NCALD: variants seen among roughly 807,000 people sequenced by gnomAD.
NCALD encodes the protein neurocalcin-delta.
In NCALD, 10 loss-of-function variants were observed where a neutral mutation model predicts 18.6. The observed-to-expected ratio is 0.54, with a 90% CI of 0.33 to 0.91. The LOEUF (loss-of-function observed/expected upper bound fraction) is 0.91. NCALD is among the 40% of genes least tolerant of loss of function. The pLI is 0.03. For missense variants in NCALD, 184 were observed against 247.6 expected, an observed-to-expected ratio of 0.74 and a Z score of 1.72; for synonymous variants, 88 against 87.4, an observed-to-expected ratio of 1.01 and a Z score of -0.04.
At chr8:101,802,234 C>A (rs982230530) in intron 4 of NCALD, among the ~76,000 whole-genome samples, 1 of 152,074 alleles carries the variant, frequency 6.6e-6, no homozygotes, top group South Asian at 2.1e-4. Flanking sequence ...ACAAACCATG[C>A]CCATAAAATA....
chr8:101,933,528 C>T (rs1167736473), intron 2 of NCALD, among the ~76,000 whole-genome samples: 1 of 152,222 alleles, frequency 6.6e-6, no homozygotes, highest in Non-Finnish European at 1.5e-5. Flanking sequence ...GAGAATAAGT[C>T]TGTGCTGTTT....
chr8:101,910,736 A>G (rs1424930536), intron 3 of NCALD, among the ~76,000 whole-genome samples: 1 of 152,178 alleles, frequency 6.6e-6, no homozygotes. Context: ...AGGTGAGTGT[A>G]CCAGATTTCT....
At chr8:101,711,608 G>A (rs1488644017) in intron 2 of NCALD, among the ~76,000 whole-genome samples, 1 of 151,700 alleles carries the variant, frequency 6.6e-6, no homozygotes, top group African/African-American at 2.4e-5. Context: ...GACAGCACGA[G>A]AACTTTGTGA....
intron 1 of NCALD, among the ~76,000 whole-genome samples, chr8:102,067,406 A>T (rs1255648156): frequency 6.6e-6 from 1 of 152,032 alleles, no homozygotes; most frequent in East Asian, 1.9e-4. Flanking sequence ...CTCATCCTTC[A>T]ACTGTATACT....
At chr8:101,840,201 T>C (rs376446383) in intron 4 of NCALD, among the ~76,000 whole-genome samples, 1 of 151,730 alleles carries the variant, frequency 6.6e-6, no homozygotes, top group East Asian at 1.9e-4. Context: ...AAGCCAGAGA[T>C]TGAATTAAAG....
At chr8:102,003,956 T>G (rs1182612135) in intron 2 of NCALD, among the ~76,000 whole-genome samples, 1 of 151,990 alleles carries the variant, frequency 6.6e-6, no homozygotes, top group African/African-American at 2.4e-5. Context: ...GCATTCCCTT[T>G]GAAAACTGGC....
chr8:101,879,461 A>T (rs1348297661), intron 4 of NCALD, among the ~76,000 whole-genome samples: 1 of 152,140 alleles, frequency 6.6e-6, no homozygotes, highest in African/African-American at 2.4e-5. Context: ...GTGAGGCTGC[A>T]GACCTTCACT....
intron 4 of NCALD, among the ~76,000 whole-genome samples, chr8:101,807,246 G>A (rs1308881022): frequency 2.0e-5 from 3 of 152,054 alleles, no homozygotes; most frequent in Non-Finnish European, 4.4e-5. Flanking sequence ...TGTCACAAAT[G>A]CATATTTCTT....
chr8:101,916,971 T>C (rs1586750244), intron 2 of NCALD, among the ~76,000 whole-genome samples: 1 of 152,180 alleles, frequency 6.6e-6, no homozygotes, highest in Non-Finnish European at 1.5e-5. Context: ...ATATCTGGAC[T>C]TAAATTTGAC....
At chr8:102,028,019 G>T (rs1217240488) in intron 1 of NCALD, among the ~76,000 whole-genome samples, 2 of 152,188 alleles carry the variant, frequency 1.3e-5, no homozygotes, top group African/African-American at 4.8e-5. Flanking sequence ...TTGGATTCTG[G>T]ATCCCAAACA....
At chr8:101,971,129 C>T (rs1370824391) in intron 2 of NCALD, among the ~76,000 whole-genome samples, 2 of 152,164 alleles carry the variant, frequency 1.3e-5, no homozygotes, top group Non-Finnish European at 2.9e-5. Context: ...TTCCAGACAT[C>T]AGAATCATGA....
chr8:101,819,372 G>A (rs1813629486), intron 4 of NCALD, among the ~76,000 whole-genome samples: 2 of 151,390 alleles, frequency 1.3e-5, no homozygotes, highest in African/African-American at 4.9e-5. Context: ...TTGAGTTACT[G>A]GAAAGGTTGA....
intron 1 of NCALD, among the ~76,000 whole-genome samples, chr8:101,752,335 A>G (rs567129270): frequency 3.3e-4 from 51 of 152,342 alleles, no homozygotes; most frequent in African/African-American, 1.2e-3. Flanking sequence ...AAAAAGTAAA[A>G]TATAATTTGT....
At chr8:101,907,893 A>C (rs113028811) in intron 3 of NCALD, among the ~76,000 whole-genome samples, 2,056 of 152,338 alleles carry the variant, frequency 0.013, 25 homozygotes, top group Middle Eastern at 0.037. Context: ...TCATAAGTTC[A>C]TAATAGCTAC....
chr8:102,113,392 G>T (rs995344523), intron 1 of NCALD, among the ~76,000 whole-genome samples: 1 of 152,154 alleles, frequency 6.6e-6, no homozygotes, highest in African/African-American at 2.4e-5. Flanking sequence ...GTAAAGCAGG[G>T]TAACAAAGTG....
chr8:101,926,331 T>C (rs947197166), intron 2 of NCALD, among the ~76,000 whole-genome samples: 1 of 152,188 alleles, frequency 6.6e-6, no homozygotes, highest in Non-Finnish European at 1.5e-5. Flanking sequence ...AATAAACTTT[T>C]CTTTTCTGGC....
In NCALD at chr8:102,063,522, A is replaced by C. The variant is rs1400503908; in HGVS notation, c.-209-43233T>G. On this transcript the variant is annotated intron_variant, in intron 1 of 6. Transcript: ENST00000311028. ...ATCTGGAATAAGTAGATAAAGGGAC[A>C]TTTTTTTAAGATCATTATTTAAATG... Among the ~76,000 whole-genome samples the C allele has an allele frequency of 2.0e-5, 3 of 152,142 alleles. No homozygotes were observed. The East Asian group carries it at 5.8e-4, about 29-fold the overall frequency.
chr8:101,803,956 G>C (rs570168750), intron 4 of NCALD, among the ~76,000 whole-genome samples: 2 of 152,228 alleles, frequency 1.3e-5, no homozygotes, highest in East Asian at 3.9e-4. Context: ...ATGATGAAAG[G>C]AAGAGCCAAC....
chr8:101,885,583 T>A (rs1446530203), intron 4 of NCALD, among the ~76,000 whole-genome samples: 1 of 152,232 alleles, frequency 6.6e-6, no homozygotes, highest in Non-Finnish European at 1.5e-5. Flanking sequence ...CGTTTGGGTC[T>A]GGCAGATGCT....
Sources: allele counts gnomAD v4.1 joint callset (sites outside exome capture counted in the v4.1 genomes callset), GRCh38; gene constraint gnomAD v4.1.1; transcripts MANE v1.5; gene names NCBI Gene and HGNC (gene_info 2026-07-23, HGNC 2026-07-21).